Variants in ETFA observed in about 807,000 individuals in gnomAD.
The protein encoded by ETFA is electron transfer flavoprotein subunit alpha.
Under a neutral mutation model 46.2 loss-of-function variants are expected in ETFA, and 22 were observed. The ratio of observed to expected loss-of-function variants is 0.48; its 90% CI spans 0.34 to 0.68. The LOEUF is 0.68. Among genes scored for constraint, ETFA ranks in the 30% least tolerant of loss-of-function variants. The pLI is 0.01. For missense variants in ETFA, 345 were observed against 401.1 expected (o/e 0.86, Z 1.19); for synonymous variants, 131 against 139.9 (o/e 0.94, Z 0.45).
chr15:76,216,495 C>A lies in ETFA; in HGVS notation c.*64G>T. 1 of 979,818 alleles carries A rather than the reference C, an allele frequency of 1.0e-6. No homozygotes were observed. The highest frequency in any genetic ancestry group is 2.4e-5 in the East Asian group (1 of 42,038). 60.7% of individuals were successfully genotyped at this position (979,818 alleles called of 1,614,324 possible). A position where few individuals can be genotyped will look rare whatever the true frequency, so the allele number is the denominator to read the frequency against. On this transcript the variant is annotated 3_prime_UTR_variant, in exon 12 of 12. Transcript: ENST00000557943. ...TTTCCAATGATTGTTATAATACCCA[C>A]AAATATCTGTGATTTCAGTGGAATA... is the stretch of plus-strand genomic sequence containing the variant.
At chr15:76,259,639 T>C in intron 9 of ETFA, 3 of 894,214 alleles carry the variant, frequency 3.4e-6, no homozygotes, top group Non-Finnish European at 3.8e-6. Context: ...ACGGGCAATT[T>C]GGAGGCACAG....
At chr15:76,290,333 C>CTTT (rs10682432) in intron 4 of ETFA, among the ~76,000 whole-genome samples, 8,586 of 96,720 alleles carry the variant, frequency 0.089, 892 homozygotes, top group African/African-American at 0.11. Flanking sequence ...AGTCGCTACT[C>CTTT]TTTTTTTTTT....
At chr15:76,242,416 C>A (rs2039202152) in intron 9 of ETFA, among the ~76,000 whole-genome samples, 1 of 152,182 alleles carries the variant, frequency 6.6e-6, no homozygotes, top group Non-Finnish European at 1.5e-5. Flanking sequence ...CTTTTCTTGA[C>A]ATTTAATCAT....
chr15:76,241,729 G>A (rs1454349029), intron 9 of ETFA, among the ~76,000 whole-genome samples: 3 of 148,614 alleles, frequency 2.0e-5, no homozygotes, highest in Non-Finnish European at 4.5e-5. Flanking sequence ...ATGAACCCGG[G>A]AGGCAGAGCT....
At chr15:76,296,138 C>T (rs1258264405) in intron 1 of ETFA, among the ~76,000 whole-genome samples, 3 of 151,528 alleles carry the variant, frequency 2.0e-5, no homozygotes, top group African/African-American at 4.8e-5. Flanking sequence ...TCAGTAGAGA[C>T]GGGGTTTCAC....
chr15:76,264,740 T>C (rs1327928397), intron 9 of ETFA, among the ~76,000 whole-genome samples: 1 of 152,218 alleles, frequency 6.6e-6, no homozygotes, highest in East Asian at 1.9e-4. Context: ...TACATAAGGC[T>C]ACTCTTTTAG....
chr15:76,303,739 C>A (rs574889459), intron 1 of ETFA, among the ~76,000 whole-genome samples: 2 of 152,264 alleles, frequency 1.3e-5, no homozygotes, highest in Non-Finnish European at 2.9e-5. Context: ...CAAATAAAAA[C>A]CACAATGAGA....
At chr15:76,231,663 T>C (rs2039067443) in intron 9 of ETFA, among the ~76,000 whole-genome samples, 1 of 152,178 alleles carries the variant, frequency 6.6e-6, no homozygotes, top group South Asian at 2.1e-4. Flanking sequence ...CCAGACACAG[T>C]GTTAAGCATT....
At chr15:76,242,124 T>C (rs1350822392) in intron 9 of ETFA, among the ~76,000 whole-genome samples, 2 of 152,160 alleles carry the variant, frequency 1.3e-5, no homozygotes, top group African/African-American at 4.8e-5. Flanking sequence ...CGTGAGCCAC[T>C]TCGCCTGGCC....
chr15:76,270,823 A>G (rs1337003819), intron 9 of ETFA, among the ~76,000 whole-genome samples: 1 of 152,214 alleles, frequency 6.6e-6, no homozygotes, highest in Non-Finnish European at 1.5e-5. Flanking sequence ...ATTTTTACCC[A>G]TTGAATAAAA....
chr15:76,281,490 A>G (rs2039651247), intron 8 of ETFA, among the ~76,000 whole-genome samples: 1 of 150,220 alleles, frequency 6.7e-6, no homozygotes, highest in African/African-American at 2.5e-5. Context: ...CAGTGACATG[A>G]TTTCTGCTCA....
Position 76,260,390 on chromosome 15 carries a change from G to A in ETFA, c.816+14022C>T, listed in dbSNP as rs138212572. On this transcript the variant is annotated intron_variant, in intron 9 of 11. Transcript: ENST00000557943. ...GGGCCAGGGCAGCAGCCGTCACCAG[G>A]GCCGTTAGCACACCAAGGACCACAG... The A allele has an allele frequency of 8.7e-4, 1,359 of 1,567,516 alleles. 8 individuals are homozygous for A. In the African/African-American group the frequency reaches 0.017, roughly 20 times the overall value.
intron 11 of ETFA, among the ~76,000 whole-genome samples, chr15:76,219,764 T>C (rs1311504553): frequency 6.6e-6 from 1 of 152,082 alleles, no homozygotes; most frequent in Admixed American, 6.6e-5. Flanking sequence ...AAAACGCAAA[T>C]CAAAGTCACA....
At chr15:76,275,449 A>T (rs2039581601) in intron 8 of ETFA, among the ~76,000 whole-genome samples, 1 of 152,206 alleles carries the variant, frequency 6.6e-6, no homozygotes, top group Non-Finnish European at 1.5e-5. Flanking sequence ...TCACCATGGT[A>T]TATCTTTCTC....
chr15:76,311,357 C>T lies in ETFA; in HGVS notation c.32G>A (p.Arg11Gln), dbSNP rs1235326434. Residue 11 changes from arginine to glutamine, a missense_variant, in exon 1 of 12, where the codon CGG becomes CAG. Arg to Gln is a conservative substitution (Grantham distance 43). Transcript: ENST00000557943. ...TTCCCAGTCCGGACTCACCGCCCGCCGGAGCTGCCCCGGAGCCGCCGCTCG... is the reference window on the plus strand; with the variant it reads ...TTCCCAGTCCGGACTCACCGCCCGCTGGAGCTGCCCCGGAGCCGCCGCTCG... MFRAAAPGQL[R>Q]RAASLLRFQS... 4 of 1,559,660 alleles carry T rather than the reference C, an allele frequency of 2.6e-6. No homozygotes were observed. In the Middle Eastern group the frequency reaches 5.2e-4, roughly 204 times the overall value.
chr15:76,263,534 G>A (rs1440703358), intron 9 of ETFA, among the ~76,000 whole-genome samples: 5 of 152,216 alleles, frequency 3.3e-5, no homozygotes, highest in African/African-American at 1.2e-4. Flanking sequence ...TTATTACAAA[G>A]GGGAGTGAAA....
intron 9 of ETFA, chr15:76,261,248 C>A: frequency 1.3e-6 from 2 of 1,567,924 alleles, no homozygotes; most frequent in South Asian, 2.3e-5. Flanking sequence ...TGGAAAGGGG[C>A]ATTGGGTGGC....
chr15:76,218,668 GA>G (rs1368256078), intron 11 of ETFA, among the ~76,000 whole-genome samples: 5 of 152,308 alleles, frequency 3.3e-5, no homozygotes, highest in African/African-American at 1.2e-4. Context: ...TGAGCACACT[GA>G]AAGATCTGGA....
chr15:76,248,670 C>T (rs1447572569), intron 9 of ETFA, among the ~76,000 whole-genome samples: 1 of 151,972 alleles, frequency 6.6e-6, no homozygotes, highest in Non-Finnish European at 1.5e-5. Flanking sequence ...TAAAGAACTT[C>T]CAAGAATCAG....
Sources: allele counts gnomAD v4.1 joint callset (sites outside exome capture counted in the v4.1 genomes callset), GRCh38; gene constraint gnomAD v4.1.1; transcripts MANE v1.5; gene names NCBI Gene and HGNC (gene_info 2026-07-23, HGNC 2026-07-21).